DMXL2: variants seen among roughly 807,000 people sequenced by gnomAD.
The protein encoded by DMXL2 is Dmx like 2, also known as dmX-like protein 2.
A neutral mutation model predicts 331.1 loss-of-function variants in DMXL2; 103 were observed. The observed-to-expected ratio is 0.31, with a 90% CI of 0.27 to 0.37. The LOEUF (loss-of-function observed/expected upper bound fraction) is 0.37. DMXL2 is among the 10% of genes least tolerant of loss of function. The pLI is 1.00. For missense variants in DMXL2, 3,171 were observed against 3,642.9 expected, an observed-to-expected ratio of 0.87 and a Z score of 3.33; for synonymous variants, 1,281 against 1,252.1, an observed-to-expected ratio of 1.02 and a Z score of -0.49.
At chr15:51,506,040 T>C (rs1189763312) in intron 16 of DMXL2, among the ~76,000 whole-genome samples, 1 of 152,226 alleles carries the variant, frequency 6.6e-6, no homozygotes, top group Non-Finnish European at 1.5e-5. Flanking sequence ...AAAGAATGGC[T>C]GAAGTAATTT....
chr15:51,480,755 G>T lies in DMXL2; in HGVS notation c.6351C>A (p.Asp2117Glu). ...GCTCATAGGAACCAATATCTGGTTTGTCTACCATTTCTTCCTGATCCAGCA... is the reference window on the plus strand; with the variant it reads ...GCTCATAGGAACCAATATCTGGTTTTTCTACCATTTCTTCCTGATCCAGCA... ...SDLLDQEEMV[D>E]KPDIGSYERH... Residue 2117 changes from aspartate (D) to glutamate (E), a missense_variant, in exon 24 of 44, where the codon GAC (aspartate) becomes GAA (glutamate). Physicochemically the swap from Asp to Glu is conservative, Grantham distance 45. Transcript: ENST00000560891. 6.2e-7 allele frequency: 1 copy of T among 1,600,808 alleles called. No individual in the cohort carries two copies. Among genetic ancestry groups the T allele is most frequent in the Non-Finnish European group, 8.5e-7 (1 of 1,170,916 alleles).
At chr15:51,500,360 C>A (rs1036741863) in intron 17 of DMXL2, 129 bp from the exon 18 acceptor site, 1 of 971,796 alleles carries the variant, frequency 1.0e-6, no homozygotes, top group Admixed American at 3.0e-5. Context: ...TCTCTGCAGT[C>A]TTCCTCTTAA....
intron 3 of DMXL2, among the ~76,000 whole-genome samples, 169 bp from the exon 4 acceptor site, chr15:51,565,335 C>A (rs1567125313): frequency 6.6e-6 from 1 of 152,130 alleles, no homozygotes. Context: ...ACGTAACTTT[C>A]ATTGGTTCCA....
Position 51,480,427 on chromosome 15 carries a change from C to A in DMXL2, c.6564+115G>T, listed in dbSNP as rs114542581. On this transcript the variant is annotated intron_variant, in intron 24 of 43. Coordinates refer to ENST00000560891, the MANE Select transcript of DMXL2 (RefSeq NM_001378457.1). ...TATCTGCCTCCTATAAAGAGAGGAG[C>A]TGAACATATTTAGATTAACTAGTAA... is the stretch of plus-strand genomic sequence containing the variant. The A allele has an allele frequency of 5.4e-5, 68 of 1,263,910 alleles. No homozygotes were observed. The African/African-American group carries it at 8.1e-4, about 15-fold the overall frequency. The allele number at this position is 1,263,910 out of a possible 1,614,324, so 78.3% of individuals were successfully genotyped here. A position where few individuals can be genotyped will look rare whatever the true frequency, so the allele number is the denominator to read the frequency against.
intron 25 of DMXL2, 35 bp from the exon 26 acceptor site, chr15:51,478,382 TA>T (rs776416533): frequency 1.3e-6 from 2 of 1,569,888 alleles, no homozygotes; most frequent in East Asian, 4.5e-5. Flanking sequence ...CATTTTGTAC[TA>T]ACATTTCTAC....
intron 18 of DMXL2, among the ~76,000 whole-genome samples, chr15:51,495,799 C>T (rs190730809): frequency 2.6e-5 from 4 of 151,870 alleles, no homozygotes; most frequent in African/African-American, 9.7e-5. Context: ...ATAACTGACA[C>T]TTTGGAAGTA....
rs1302933060 is a variant in DMXL2, at chr15:51,502,956, T to A, written c.2842A>T (p.Thr948Ser). ...GGCATGGGGCTCACACTAGGAGAGG[T>A]TTCTGGAGAAGAATCTACGTTCTTC... The part of the protein sequence containing the change: ...GQKNVDSSPE[T>S]SPSVSPMPHS... Residue 948 changes from threonine to serine, a missense_variant, in exon 17 of 44, where the codon ACC (threonine) becomes TCC (serine). Transcript: ENST00000560891. 2 of 1,614,022 alleles carry A rather than the reference T, an allele frequency of 1.2e-6. No individual in the cohort carries two copies. The highest frequency in any genetic ancestry group is 2.2e-5 in the East Asian group (1 of 44,866).
intron 38 of DMXL2, 38 bp downstream of exon 38, chr15:51,456,271 A>C: frequency 6.3e-7 from 1 of 1,594,652 alleles, no homozygotes. Context: ...CAACCTCCAA[A>C]TGAGGACACT....
intron 1 of DMXL2, among the ~76,000 whole-genome samples, chr15:51,604,450 C>T (rs1329739336): frequency 1.3e-5 from 2 of 148,452 alleles, no homozygotes; most frequent in East Asian, 1.9e-4. Flanking sequence ...GATACAAAAT[C>T]AGAATTTCTG....
chr15:51,512,346 T>A (rs780393703), intron 15 of DMXL2, among the ~76,000 whole-genome samples: 1 of 151,964 alleles, frequency 6.6e-6, no homozygotes, highest in Admixed American at 6.6e-5. Flanking sequence ...CAAAAACACA[T>A]AAACAAACAA....
chr15:51,515,398 C>T (rs2140654412), intron 14 of DMXL2, among the ~76,000 whole-genome samples: 1 of 152,006 alleles, frequency 6.6e-6, no homozygotes, highest in South Asian at 2.1e-4. Context: ...TAAAGGAAAA[C>T]CTGCCTCTTT....
intron 1 of DMXL2, 21 bp from the exon 2 acceptor site, chr15:51,576,202 A>AAAAAAAAAAAC: frequency 7.0e-7 from 1 of 1,418,486 alleles, no homozygotes; most frequent in Non-Finnish European, 9.4e-7. Flanking sequence ...AAAAAAAAAA[A>AAAAAAAAAAAC]AGTTTTACAA....
At chr15:51,502,744 C>A in intron 17 of DMXL2, 62 bp downstream of exon 17, 1 of 1,089,942 alleles carries the variant, frequency 9.2e-7, no homozygotes, top group Non-Finnish European at 1.4e-6. Flanking sequence ...ATTTTATCCA[C>A]TAAAGAGTTC....
At position 51,465,642 on chromosome 15, in the gene DMXL2, A is replaced by G. The variant is rs1655014246; in HGVS notation, c.7530T>C (p.Leu2510=). The G allele has an allele frequency of 6.3e-7, 1 of 1,599,510 alleles. No homozygotes were observed. The highest frequency in any genetic ancestry group is 1.1e-5 in the South Asian group (1 of 87,858). The stretch of plus-strand genomic sequence containing the variant: ...CTAGTTTAACCATTGTCAAATGTAG[A>G]AGAGCCCAGCTGTTCAAGGAGGGGC... The part of the protein sequence containing the change: ...HQDPNSYSWA[L]LHLTMVKLAL... The change falls in exon 31 of 44, where the codon CTT becomes CTC. Residue 2510 remains leucine, a synonymous_variant. Transcript: ENST00000560891.
At chr15:51,532,566 CG>C (rs1400369897) in intron 13 of DMXL2, among the ~76,000 whole-genome samples, 1 of 152,058 alleles carries the variant, frequency 6.6e-6, no homozygotes, top group Non-Finnish European at 1.5e-5. Flanking sequence ...TAAATGTATG[CG>C]GTGATAGATA....
At chr15:51,519,141 AT>A (rs564259913) in intron 13 of DMXL2, among the ~76,000 whole-genome samples, 5 of 149,712 alleles carry the variant, frequency 3.3e-5, no homozygotes, top group East Asian at 3.9e-4. Context: ...TTTGATGTAT[AT>A]TTTTTTTTAA....
In DMXL2 at chr15:51,576,052, T is replaced by C; in HGVS notation, c.213+4A>G. The C allele has an allele frequency of 6.3e-7, 1 of 1,597,690 alleles. No homozygotes were observed. Among genetic ancestry groups the C allele is most frequent in the Non-Finnish European group, 8.5e-7 (1 of 1,175,306 alleles). ...ACATTCAGTAAAGAAATTAAATCCC[T>C]TACTCTTCCTTGTTGGTTAGAACAC... On this transcript the variant is annotated splice_donor_region_variant and intron_variant, in intron 2 of 43. Coordinates refer to ENST00000560891, the MANE Select transcript of DMXL2 (RefSeq NM_001378457.1).
intron 2 of DMXL2, among the ~76,000 whole-genome samples, chr15:51,570,148 A>G (rs2050566366): frequency 6.6e-6 from 1 of 152,134 alleles, no homozygotes; most frequent in Non-Finnish European, 1.5e-5. Context: ...TGAAACATAC[A>G]CAAGTTATCA....
chr15:51,566,788 G>C (rs1260535737), intron 3 of DMXL2, among the ~76,000 whole-genome samples: 2 of 152,058 alleles, frequency 1.3e-5, no homozygotes, highest in African/African-American at 4.8e-5. Flanking sequence ...TTCAGATTTA[G>C]CATTTGCAAT....
Sources: allele counts gnomAD v4.1 joint callset (sites outside exome capture counted in the v4.1 genomes callset), GRCh38; gene constraint gnomAD v4.1.1; transcripts MANE v1.5; gene names NCBI Gene and HGNC (gene_info 2026-07-23, HGNC 2026-07-21).